APP: variants seen among roughly 807,000 people sequenced by gnomAD.
The protein encoded by APP is amyloid-beta precursor protein.
In APP, 31 loss-of-function variants were observed where a neutral mutation model predicts 101.4. That is an observed-to-expected ratio of 0.31 (90% CI 0.23 to 0.41). APP has a LOEUF of 0.41. APP is among the 10% of genes least tolerant of loss of function. APP has a pLI of 1.00. For missense variants in APP, 839 were observed against 1,003.7 expected, an observed-to-expected ratio of 0.84 and a Z score of 2.22; for synonymous variants, 366 against 364.4, an observed-to-expected ratio of 1.00 and a Z score of -0.05.
At chr21:25,986,471 C>T (rs905025246) in intron 8 of APP, among the ~76,000 whole-genome samples, 4 of 151,896 alleles carry the variant, frequency 2.6e-5, no homozygotes, top group African/African-American at 7.3e-5. Flanking sequence ...TTTGGGAGGC[C>T]GAGGTGGACG....
At position 26,021,956 on chromosome 21, in the gene APP, T is replaced by C; in HGVS notation, c.749A>G (p.Asp250Gly). Residue 250 changes from aspartate to glycine, a missense_variant, in exon 6 of 18, where the codon GAT becomes GGT. By Grantham distance (94) the Asp-to-Gly change is moderately conservative. Transcript: ENST00000346798. ...EEADDDEDDE[D>G]GDEVEEEAEE... The stretch of plus-strand genomic sequence containing the variant: ...AGCCTCTTCCTCTACCTCATCACCA[T>C]CCTCATCGTCCTCGTCATCATCGGC... 6.2e-7 allele frequency: 1 copy of C among 1,613,822 alleles called. No homozygotes were observed. The highest frequency in any genetic ancestry group is 8.5e-7 in the Non-Finnish European group (1 of 1,179,818).
chr21:26,096,318 A>G (rs1476934018), intron 2 of APP, among the ~76,000 whole-genome samples: 1 of 152,208 alleles, frequency 6.6e-6, no homozygotes, highest in Non-Finnish European at 1.5e-5. Flanking sequence ...ATAACGTGGC[A>G]TGTTATAGCC....
intron 13 of APP, among the ~76,000 whole-genome samples, chr21:25,931,480 G>A (rs962999752): frequency 5.3e-5 from 8 of 152,260 alleles, no homozygotes; most frequent in South Asian, 2.1e-4. Context: ...GGAATTCTAC[G>A]GGTCAAGTGA....
chr21:26,042,740 A>C (rs1487355363), intron 5 of APP, among the ~76,000 whole-genome samples: 1 of 67,044 alleles, frequency 1.5e-5, no homozygotes, highest in Non-Finnish European at 3.6e-5. Context: ...CTGTCTCTAC[A>C]AAAAAAATAA....
chr21:26,141,984 C>T, intron 1 of APP, among the ~76,000 whole-genome samples: 1 of 152,134 alleles, frequency 6.6e-6, no homozygotes, highest in East Asian at 1.9e-4. Context: ...CTGCAAGGAG[C>T]CAGGGCCATG....
Position 25,911,916 on chromosome 21 carries a change from G to A in APP, c.1734C>T (p.Ala578=), listed in dbSNP as rs1360720909. 1 of 1,614,162 alleles carries A rather than the reference G, an allele frequency of 6.2e-7. No homozygotes were observed. Among genetic ancestry groups the A allele is most frequent in the Admixed American group, 1.7e-5 (1 of 60,022 alleles). The stretch of plus-strand genomic sequence containing the variant: ...TGATCCTTGGTTCACTAATCATGTT[G>A]GCCAAGACGTCATCTGAATAGTTTT... ...KEQNYSDDVL[A]NMISEPRISY... Residue 578 remains alanine, a synonymous_variant, in exon 14 of 18, where the codon GCC becomes GCT. Transcript: ENST00000346798.
At chr21:25,982,174 G>A (rs1447619490) in intron 9 of APP, among the ~76,000 whole-genome samples, 170 bp downstream of exon 9, 1 of 152,122 alleles carries the variant, frequency 6.6e-6, no homozygotes, top group Non-Finnish European at 1.5e-5. Flanking sequence ...GCATGTTCAC[G>A]GAGGATGCAA....
chr21:26,074,839 A>G (rs937642928), intron 3 of APP, among the ~76,000 whole-genome samples: 4 of 152,266 alleles, frequency 2.6e-5, no homozygotes, highest in African/African-American at 9.6e-5. Flanking sequence ...TTATCTCTAA[A>G]CACAGATGCC....
intron 15 of APP, among the ~76,000 whole-genome samples, chr21:25,899,806 G>A (rs1281581140): frequency 6.6e-6 from 1 of 152,126 alleles, no homozygotes; most frequent in Non-Finnish European, 1.5e-5. Flanking sequence ...GTAGCAATAG[G>A]TAACTAATGG....
chr21:26,101,375 G>A (rs2062054833), intron 2 of APP, among the ~76,000 whole-genome samples: 1 of 152,118 alleles, frequency 6.6e-6, no homozygotes, highest in Admixed American at 6.5e-5. Context: ...GGGATTACAG[G>A]TGTGAGCCAT....
At chr21:26,089,013 A>T (rs2248682) in intron 3 of APP, among the ~76,000 whole-genome samples, 57,438 of 152,062 alleles carry the variant, frequency 0.38, 11,890 homozygotes, top group African/African-American at 0.53. Context: ...TCTTCAGTAA[A>T]TATCCTTACT....
intron 9 of APP, among the ~76,000 whole-genome samples, chr21:25,977,702 A>G (rs546955848): frequency 7.4e-4 from 113 of 152,358 alleles, no homozygotes; most frequent in South Asian, 3.1e-3. Flanking sequence ...CTTGAAAAGC[A>G]TATCAAAAAT....
At chr21:25,950,190 A>G (rs2041004945) in intron 13 of APP, among the ~76,000 whole-genome samples, 1 of 152,182 alleles carries the variant, frequency 6.6e-6, no homozygotes, top group Non-Finnish European at 1.5e-5. Flanking sequence ...TCATAAAGAA[A>G]GAATGTGACC....
chr21:25,985,666 T>C (rs1295760087), intron 8 of APP, among the ~76,000 whole-genome samples: 1 of 152,112 alleles, frequency 6.6e-6, no homozygotes, highest in Non-Finnish European at 1.5e-5. Flanking sequence ...GCAGAATCAA[T>C]CTCTTCCTAT....
chr21:26,097,679 AATG>A (rs1406775823), intron 2 of APP, among the ~76,000 whole-genome samples: 1 of 152,234 alleles, frequency 6.6e-6, no homozygotes, highest in Non-Finnish European at 1.5e-5. Context: ...CACTTGGGCT[AATG>A]GGGCCCATTC....
intron 5 of APP, among the ~76,000 whole-genome samples, chr21:26,041,973 C>A (rs1028953195): frequency 2.0e-5 from 3 of 152,074 alleles, no homozygotes; most frequent in South Asian, 2.1e-4. Flanking sequence ...CTCACACAGT[C>A]CTGGAAGCTG....
intron 2 of APP, among the ~76,000 whole-genome samples, chr21:26,096,312 C>T (rs1020407700): frequency 3.9e-5 from 6 of 152,184 alleles, no homozygotes; most frequent in East Asian, 3.9e-4. Flanking sequence ...GAAAACATAA[C>T]GTGGCATGTT....
chr21:25,970,624 G>A (rs1164254176), intron 11 of APP, among the ~76,000 whole-genome samples: 2 of 152,138 alleles, frequency 1.3e-5, no homozygotes, highest in Non-Finnish European at 2.9e-5. Context: ...AATAGAAAAT[G>A]AAAACGCTAA....
intron 2 of APP, among the ~76,000 whole-genome samples, chr21:26,093,739 G>A (rs985004246): frequency 9.9e-5 from 15 of 152,134 alleles, no homozygotes; most frequent in African/African-American, 2.2e-4. Flanking sequence ...TAGAACATGC[G>A]TGTTATTTTC....
Sources: allele counts gnomAD v4.1 joint callset (sites outside exome capture counted in the v4.1 genomes callset), GRCh38; gene constraint gnomAD v4.1.1; transcripts MANE v1.5; gene names NCBI Gene and HGNC (gene_info 2026-07-23, HGNC 2026-07-21).